Variants in PREX1 observed in about 807,000 individuals in gnomAD.
The protein encoded by PREX1 is phosphatidylinositol-3,4,5-trisphosphate dependent Rac exchange factor 1.
In PREX1, 41 loss-of-function variants were observed where a neutral mutation model predicts 198.3. The ratio of observed to expected loss-of-function variants is 0.21; its 90% CI spans 0.16 to 0.27. PREX1 has a LOEUF of 0.27. Ranked by LOEUF, PREX1 falls within the 10% of genes least tolerant of loss-of-function variation. The pLI is 1.00. For synonymous variants in PREX1, 843 were observed against 887.2 expected (o/e 0.95, Z 0.89); for missense variants, 1,620 against 2,200.7 (o/e 0.74, Z 5.28).
At chr20:48,820,439 G>A (rs933898799) in intron 1 of PREX1, among the ~76,000 whole-genome samples, 10 of 152,226 alleles carry the variant, frequency 6.6e-5, no homozygotes, top group African/African-American at 2.4e-4. Context: ...TGGCTCGAGA[G>A]TCTGTGCTCT....
At chr20:48,677,360 G>A (rs1029825295) in intron 13 of PREX1, among the ~76,000 whole-genome samples, 1 of 146,558 alleles carries the variant, frequency 6.8e-6, no homozygotes, top group African/African-American at 2.6e-5. Flanking sequence ...CTTCCGAGAG[G>A]TGATAAGAGC....
At chr20:48,630,008 C>A (rs1374325574) in intron 36 of PREX1, among the ~76,000 whole-genome samples, 1 of 152,174 alleles carries the variant, frequency 6.6e-6, no homozygotes, top group East Asian at 1.9e-4. Flanking sequence ...ATTCCCTGAC[C>A]CCCACGTGGA....
intron 30 of PREX1, among the ~76,000 whole-genome samples, chr20:48,638,333 G>A (rs576216902): frequency 1.3e-5 from 2 of 152,054 alleles, no homozygotes; most frequent in African/African-American, 4.8e-5. Flanking sequence ...ACAGACACAC[G>A]AGTGCACACA....
At chr20:48,859,317 C>T in the PREX1 span, among the ~76,000 whole-genome samples, 1 of 152,052 alleles carries the variant, frequency 6.6e-6, no homozygotes, top group South Asian at 2.1e-4. Context: ...GTAACAATAC[C>T]AGAAACAGAA....
At chr20:48,884,100 C>T in the PREX1 span, among the ~76,000 whole-genome samples, 8 of 148,668 alleles carry the variant, frequency 5.4e-5, 1 homozygote, top group South Asian at 1.7e-3. Flanking sequence ...GAGATCACCA[C>T]TGCACTCCAG....
the PREX1 span, among the ~76,000 whole-genome samples, chr20:48,887,006 G>C: frequency 1.3e-5 from 2 of 152,196 alleles, no homozygotes; most frequent in Non-Finnish European, 2.9e-5. Flanking sequence ...ATCGGAGGTA[G>C]GTAGGGCAGG....
Position 48,827,304 on chromosome 20 carries a change from G to T in PREX1, c.219+338C>A, listed in dbSNP as rs573754570. On this transcript the variant is annotated intron_variant, in intron 1 of 39. Coordinates refer to ENST00000371941, the MANE Select transcript of PREX1 (RefSeq NM_020820.4). This position sits in a 1 kb window ranked among gnomAD's most constrained non-coding sequence, Gnocchi z 4.1. ...AAAGACGCAGGAGCGCCAGCTCCCG[G>T]CGCCGCCGGGGTCCCCAAGCCCCTG... is the stretch of plus-strand genomic sequence containing the variant. 3.1e-3 allele frequency among the ~76,000 whole-genome samples: 468 copies of T among 152,330 alleles called. 3 individuals carry two copies. The highest frequency in any genetic ancestry group is 3.1e-3 in the Non-Finnish European group (213 of 68,020).
intron 1 of PREX1, among the ~76,000 whole-genome samples, chr20:48,764,553 T>C (rs1279104634): frequency 2.0e-5 from 3 of 150,734 alleles, no homozygotes; most frequent in Non-Finnish European, 4.4e-5. Context: ...GAGGCCGAGG[T>C]GGGTGGATCA....
intron 33 of PREX1, among the ~76,000 whole-genome samples, chr20:48,634,163 G>A (rs186636572): frequency 1.7e-5 from 2 of 118,216 alleles, no homozygotes; most frequent in Admixed American, 8.4e-5. Context: ...TGGATGGATG[G>A]ATGGATGGAT....
At chr20:48,734,749 C>CCT in intron 3 of PREX1, 99 bp from the exon 4 acceptor site, 3 of 968,312 alleles carry the variant, frequency 3.1e-6, no homozygotes, top group Non-Finnish European at 4.8e-6. Flanking sequence ...GGGGTAAGGA[C>CCT]TACCCTGACC....
intron 1 of PREX1, among the ~76,000 whole-genome samples, chr20:48,748,433 A>T (rs1188222425): frequency 2.6e-5 from 4 of 152,106 alleles, no homozygotes; most frequent in Non-Finnish European, 5.9e-5. Flanking sequence ...TATTCTTCCA[A>T]AAAATCTATG....
Position 48,639,914 on chromosome 20 carries a change from T to G in PREX1, c.3776-20A>C. Reference sequence around the variant, plus strand: ...TAAACTCTGGGGCAGGAAAGTGGCATGAGGGCCAGGGAAGGGACGGAGGTA... The same window carrying G: ...TAAACTCTGGGGCAGGAAAGTGGCAGGAGGGCCAGGGAAGGGACGGAGGTA... On this transcript the variant is annotated intron_variant, in intron 29 of 39. Transcript: ENST00000371941. 1.2e-6 allele frequency: 2 copies of G among 1,613,172 alleles called. No homozygotes were observed. Among genetic ancestry groups the G allele is most frequent in the Non-Finnish European group, 1.7e-6 (2 of 1,179,338 alleles).
In PREX1 at chr20:48,786,472, G is replaced by A. The variant is rs540851516; in HGVS notation, c.220-38592C>T. Among the ~76,000 whole-genome samples, 21 of 152,082 alleles carry A rather than the reference G, an allele frequency of 1.4e-4. No individual in the cohort carries two copies. The South Asian group carries it at 2.3e-3, about 17-fold the overall frequency. ...AAAAGGGAGGATGGGGGCCGGGCACGGTGGCTCACGCCTATAATCCCAGCA... is the reference window on the plus strand; with the variant it reads ...AAAAGGGAGGATGGGGGCCGGGCACAGTGGCTCACGCCTATAATCCCAGCA... On this transcript the variant is annotated intron_variant, in intron 1 of 39. Transcript: ENST00000371941.
intron 5 of PREX1, among the ~76,000 whole-genome samples, chr20:48,710,090 G>C (rs1318524409): frequency 2.0e-5 from 3 of 152,198 alleles, no homozygotes; most frequent in Non-Finnish European, 2.9e-5. Flanking sequence ...CCAGCAATGA[G>C]GCTGGAAAGG....
At chr20:48,704,838 G>C (rs923237147) in intron 6 of PREX1, among the ~76,000 whole-genome samples, 1 of 152,162 alleles carries the variant, frequency 6.6e-6, no homozygotes, top group Non-Finnish European at 1.5e-5. Flanking sequence ...TTACAGGTGT[G>C]AGCCACCGCG....
chr20:48,767,907 C>G (rs2426094), intron 1 of PREX1, among the ~76,000 whole-genome samples: 51,557 of 152,070 alleles, frequency 0.34, 10,038 homozygotes, highest in Non-Finnish European at 0.43. Context: ...CCACCCTCTA[C>G]CTCGATAATC....
the PREX1 span, chr20:48,849,511 T>G: frequency 2.0e-5 from 3 of 152,236 alleles, no homozygotes; most frequent in African/African-American, 7.2e-5. Context: ...TGTTCACTGC[T>G]AGATTCCCAG....
chr20:48,775,884 C>G (rs1264825969), intron 1 of PREX1, among the ~76,000 whole-genome samples: 1 of 152,090 alleles, frequency 6.6e-6, no homozygotes, highest in Non-Finnish European at 1.5e-5. Flanking sequence ...TCGGGTATGT[C>G]TTTATCAGCA....
At chr20:48,639,614 C>T in intron 30 of PREX1, 152 bp downstream of exon 30, 1 of 1,219,672 alleles carries the variant, frequency 8.2e-7, no homozygotes, top group Non-Finnish European at 1.1e-6. Context: ...GGGCAGGACA[C>T]TCAGCTGAGA....
Sources: allele counts gnomAD v4.1 joint callset (sites outside exome capture counted in the v4.1 genomes callset), GRCh38; gene constraint gnomAD v4.1.1; non-coding constraint Gnocchi (gnomAD v3.1); transcripts MANE v1.5; gene names NCBI Gene and HGNC (gene_info 2026-07-23, HGNC 2026-07-21).